NEO1: variants seen among roughly 807,000 people sequenced by gnomAD.
The protein encoded by NEO1 is neogenin 1.
In NEO1, 63 loss-of-function variants were observed where a neutral mutation model predicts 159.7. That is an observed-to-expected ratio of 0.39 (90% CI 0.32 to 0.49). NEO1 has a LOEUF of 0.49. NEO1 is among the 20% of genes least tolerant of loss of function. NEO1 has a pLI of 0.85. For missense variants in NEO1, 1,615 were observed against 1,831.0 expected, an observed-to-expected ratio of 0.88 and a Z score of 2.15; for synonymous variants, 633 against 662.0, an observed-to-expected ratio of 0.96 and a Z score of 0.67.
chr15:73,174,892 A>C (rs2035194793), intron 5 of NEO1, among the ~76,000 whole-genome samples: 1 of 152,202 alleles, frequency 6.6e-6, no homozygotes. Flanking sequence ...CTTGTTGTAC[A>C]GATTTATGTT....
intron 1 of NEO1, among the ~76,000 whole-genome samples, chr15:73,053,569 G>A (rs1045387513): frequency 6.6e-6 from 1 of 152,138 alleles, no homozygotes; most frequent in African/African-American, 2.4e-5. Flanking sequence ...TTTTCAGATG[G>A]CATTGTATAA....
intron 15 of NEO1, among the ~76,000 whole-genome samples, chr15:73,261,158 G>A (rs1390412914): frequency 6.6e-6 from 1 of 151,676 alleles, no homozygotes; most frequent in African/African-American, 2.4e-5. Context: ...TGACAACATA[G>A]TAAGATGTTC....
At chr15:73,057,482 C>T (rs1457544623) in intron 1 of NEO1, among the ~76,000 whole-genome samples, 1 of 152,114 alleles carries the variant, frequency 6.6e-6, no homozygotes, top group East Asian at 1.9e-4. Context: ...AATTGGAGAA[C>T]AGTCAGAGGA....
At chr15:73,269,937 C>A in intron 16 of NEO1, 73 bp from the exon 17 acceptor site, 1 of 1,190,376 alleles carries the variant, frequency 8.4e-7, no homozygotes, top group Non-Finnish European at 1.2e-6. Flanking sequence ...TTATATTACC[C>A]TGCATTTCCC....
intron 21 of NEO1, 52 bp from the exon 22 acceptor site, chr15:73,278,079 C>A: frequency 6.6e-7 from 1 of 1,513,162 alleles, no homozygotes. Context: ...ATGAAGTGGA[C>A]TGTCACGCCA....
At chr15:73,067,176 C>T (rs2151289408) in intron 1 of NEO1, among the ~76,000 whole-genome samples, 1 of 152,276 alleles carries the variant, frequency 6.6e-6, no homozygotes, top group South Asian at 2.1e-4. Context: ...AGCAATCCTC[C>T]TGATTTCAGA....
chr15:73,094,693 G>A (rs1009498015), intron 1 of NEO1, among the ~76,000 whole-genome samples: 1 of 152,130 alleles, frequency 6.6e-6, no homozygotes, highest in African/African-American at 2.4e-5. Context: ...TTTCCACATG[G>A]TTGGGATATT....
intron 8 of NEO1, among the ~76,000 whole-genome samples, chr15:73,237,009 T>C (rs1350891072): frequency 1.3e-5 from 2 of 152,200 alleles, no homozygotes; most frequent in Admixed American, 1.3e-4. Flanking sequence ...AGATCTATAA[T>C]GTCCAGGCTG....
At chr15:73,236,872 C>T (rs2039205167) in intron 8 of NEO1, among the ~76,000 whole-genome samples, 1 of 152,136 alleles carries the variant, frequency 6.6e-6, no homozygotes, top group Admixed American at 6.5e-5. Flanking sequence ...GTGGTGTGGG[C>T]TGCGGAGCTC....
rs1390138135 is a variant in NEO1 at position 73,293,471 on chromosome 15, G to T, written c.3824G>T (p.Arg1275Leu). 6.2e-7 allele frequency: 1 copy of T among 1,614,078 alleles called. No homozygotes were observed. Among genetic ancestry groups the T allele is most frequent in the Non-Finnish European group, 8.5e-7 (1 of 1,180,016 alleles). Reference sequence around the variant, plus strand: ...TCCAGCAGCCTCGCTTCTCCAGCTCGCAGTCATCTCTACCACCCGGGCAGC... The same window carrying T: ...TCCAGCAGCCTCGCTTCTCCAGCTCTCAGTCATCTCTACCACCCGGGCAGC... ...FHSSSLASPA[R>L]SHLYHPGSPW... Residue 1275 changes from arginine (R) to leucine (L), a missense_variant, in exon 26 of 29, where the codon CGC (arginine) becomes CTC (leucine). Physicochemically the swap from Arg to Leu is moderately radical, Grantham distance 102. This residue lies in a region of NEO1 where 471 missense variants were observed against 498.9 expected (regional missense o/e 0.94). Coordinates refer to ENST00000261908, the MANE Select transcript of NEO1 (RefSeq NM_002499.4).
Position 73,269,967 on chromosome 15 carries a change from A to G in NEO1, c.2495-43A>G, listed in dbSNP as rs758962643. ...TTTCCCTTTTATTTTATTTTTGTTT[A>G]CATTAAAATGCCACTTCCCTTTTTA... On this transcript the variant is annotated intron_variant, in intron 16 of 28. Transcript: ENST00000261908. 5 of 1,452,316 alleles carry G rather than the reference A, an allele frequency of 3.4e-6. No homozygotes were observed. The East Asian group carries it at 9.1e-5, about 26-fold the overall frequency. 90.0% of individuals were successfully genotyped at this position (1,452,316 alleles called of 1,614,324 possible).
intron 5 of NEO1, among the ~76,000 whole-genome samples, chr15:73,169,575 A>T (rs1567373015): frequency 1.4e-5 from 2 of 148,060 alleles, no homozygotes; most frequent in Non-Finnish European, 3.0e-5. Flanking sequence ...GCTTATGATG[A>T]TTTTTTCTAA....
intron 1 of NEO1, among the ~76,000 whole-genome samples, chr15:73,093,120 T>G (rs1404078459): frequency 6.6e-6 from 1 of 152,216 alleles, no homozygotes; most frequent in Non-Finnish European, 1.5e-5. Context: ...TGTCTGATGT[T>G]TTTCTCAGGA....
At chr15:73,253,342 G>GATGGGTGATGT in intron 11 of NEO1, 58 bp from the exon 12 acceptor site, 1 of 996,584 alleles carries the variant, frequency 1.0e-6, no homozygotes, top group Non-Finnish European at 1.5e-6. Context: ...ATGATCACAT[G>GATGGGTGATGT]ATGGGTGATG....
chr15:73,158,455 G>A (rs1263211177), intron 5 of NEO1, among the ~76,000 whole-genome samples: 1 of 151,968 alleles, frequency 6.6e-6, no homozygotes, highest in East Asian at 1.9e-4. Context: ...CTGGAGTGCA[G>A]TGTGTGGTCA....
At chr15:73,286,940 C>T (rs969557220) in intron 23 of NEO1, among the ~76,000 whole-genome samples, 3 of 152,190 alleles carry the variant, frequency 2.0e-5, no homozygotes, top group Non-Finnish European at 4.4e-5. Context: ...TCCCCAACCC[C>T]ACAGAGCTAT....
intron 23 of NEO1, among the ~76,000 whole-genome samples, chr15:73,283,530 G>A (rs375559966): frequency 8.5e-5 from 13 of 152,246 alleles, no homozygotes; most frequent in African/African-American, 2.9e-4. Context: ...TCCTCCCAGC[G>A]GGCAGTGGCA....
At chr15:73,094,623 A>G (rs1457808636) in intron 1 of NEO1, among the ~76,000 whole-genome samples, 10 of 152,174 alleles carry the variant, frequency 6.6e-5, no homozygotes. Context: ...AGTTTCTTTT[A>G]AGTGATAATT....
At chr15:73,141,528 G>A (rs1239355520) in intron 5 of NEO1, among the ~76,000 whole-genome samples, 2 of 152,148 alleles carry the variant, frequency 1.3e-5, no homozygotes, top group African/African-American at 4.8e-5. Context: ...TGATACACAT[G>A]TCTCCCGTGC....
Sources: gnomAD v4.1 joint callset for allele counts (sites outside exome capture counted in the v4.1 genomes callset) on GRCh38, gnomAD v4.1.1 for gene constraint, gnomAD v4.1.1 regional missense constraint, MANE v1.5 for transcripts, NCBI Gene and HGNC (gene_info 2026-07-23, HGNC 2026-07-21) for gene names.